Variants in HTRA3 observed in about 807,000 individuals in gnomAD.
HTRA3 encodes HtrA serine peptidase 3.
A neutral mutation model predicts 43.2 loss-of-function variants in HTRA3; 41 were observed. The observed-to-expected ratio is 0.95, with a 90% CI of 0.74 to 1.23. The LOEUF (loss-of-function observed/expected upper bound fraction) is 1.23. HTRA3 is among the 50% of genes most tolerant of loss of function. The probability of loss-of-function intolerance (pLI) is 0.00; values close to 1 mark genes in which losing one functional copy is unlikely to be tolerated. For synonymous variants in HTRA3, 295 were observed against 287.9 expected (o/e 1.02, Z -0.25); for missense variants, 628 against 647.1 (o/e 0.97, Z 0.32).
In HTRA3 at chr4:8,282,725, G is replaced by A. The variant is rs1024874666; in HGVS notation, c.485+189G>A. 2.8e-4 allele frequency among the ~76,000 whole-genome samples: 43 copies of A among 152,354 alleles called. 1 individual carries two copies. The highest frequency in any genetic ancestry group is 1.5e-5 in the Non-Finnish European group (1 of 68,036). Reference sequence around the variant, plus strand: ...CCTGGGGAAGGACATCCCCGCTGAAGTGACTCCGCACCTGCTGGAGCTGTA... The same window carrying A: ...CCTGGGGAAGGACATCCCCGCTGAAATGACTCCGCACCTGCTGGAGCTGTA... On this transcript the variant is annotated intron_variant, in intron 2 of 8. Coordinates refer to ENST00000307358, the MANE Select transcript of HTRA3 (RefSeq NM_053044.5).
chr4:8,305,591 G>A (rs1211009446), intron 8 of HTRA3, among the ~76,000 whole-genome samples: 2 of 152,170 alleles, frequency 1.3e-5, no homozygotes, highest in Admixed American at 1.3e-4. Flanking sequence ...CCACATAGAC[G>A]TCTTCGTAAC....
At chr4:8,291,243 A>T in intron 3 of HTRA3, 127 bp from the exon 4 acceptor site, 2 of 797,758 alleles carry the variant, frequency 2.5e-6, no homozygotes, top group Non-Finnish European at 4.2e-6. Flanking sequence ...GAGCCTTCAC[A>T]GTCCTGGTGG....
chr4:8,306,154 C>T lies in HTRA3; in HGVS notation c.*18C>T, dbSNP rs183206459. The T allele has an allele frequency of 1.5e-4, 233 of 1,552,278 alleles. 1 individual carries two copies. In the African/African-American group the frequency reaches 2.5e-3, roughly 16 times the overall value. ...TCATGTGAGGGGCGCATTCCTCCAG[C>T]GCCAAGCGTCAGAGCCTGCAGACAA... is the stretch of plus-strand genomic sequence containing the variant. On this transcript the variant is annotated 3_prime_UTR_variant, in exon 9 of 9. Transcript: ENST00000307358. The surrounding 1 kb of genome is among the most constrained non-coding windows in gnomAD (Gnocchi z 8.9).
chr4:8,274,190 T>C (rs1304542808), intron 1 of HTRA3, among the ~76,000 whole-genome samples: 2 of 152,244 alleles, frequency 1.3e-5, no homozygotes, highest in Admixed American at 6.5e-5. Flanking sequence ...TCTGGCCTCA[T>C]GGCCTCACCG....
At chr4:8,275,596 G>T (rs1712488087) in intron 1 of HTRA3, among the ~76,000 whole-genome samples, 1 of 152,176 alleles carries the variant, frequency 6.6e-6, no homozygotes, top group East Asian at 1.9e-4. Flanking sequence ...TGGAGAGGTG[G>T]GTACAAGGGG....
chr4:8,291,615 C>T (rs1324080219), intron 4 of HTRA3, 51 bp downstream of exon 4: 2 of 1,395,580 alleles, frequency 1.4e-6, no homozygotes, highest in Non-Finnish European at 1.9e-6. Flanking sequence ...TGCCCAAGAC[C>T]TCAACCTCGA....
chr4:8,305,269 C>T (rs1713795555), intron 8 of HTRA3, among the ~76,000 whole-genome samples: 1 of 152,254 alleles, frequency 6.6e-6, no homozygotes, highest in Non-Finnish European at 1.5e-5. Flanking sequence ...GTGATGAGCA[C>T]AGATGGCACA....
rs1713494888 is a variant in HTRA3 at position 8,297,469 on chromosome 4, C to T, written c.1051+3268C>T. 6.6e-6 allele frequency among the ~76,000 whole-genome samples: 1 copy of T among 152,128 alleles called. No homozygotes were observed. The highest frequency in any genetic ancestry group is 1.5e-5 in the Non-Finnish European group (1 of 68,008). ...GAGGTCCTGCCCTCCCGCTTTCCTT[C>T]TAGCAGGGAGACGGGCCACAAAAAC... On this transcript the variant is annotated intron_variant, in intron 6 of 8. Coordinates refer to ENST00000307358, the MANE Select transcript of HTRA3 (RefSeq NM_053044.5). This position sits in a 1 kb window ranked among gnomAD's most constrained non-coding sequence, Gnocchi z 5.8.
Position 8,295,694 on chromosome 4 carries a change from G to A in HTRA3, c.1051+1493G>A. The A allele has an allele frequency of 7.1e-7, 1 of 1,417,560 alleles. No individual in the cohort carries two copies. The highest frequency in any genetic ancestry group is 2.9e-5 in the East Asian group (1 of 34,940). The allele number at this position is 1,417,560 out of a possible 1,614,324, so 87.8% of individuals were successfully genotyped here. On this transcript the variant is annotated intron_variant, in intron 6 of 8. Coordinates refer to ENST00000307358, the MANE Select transcript of HTRA3 (RefSeq NM_053044.5). This position sits in a 1 kb window ranked among gnomAD's most constrained non-coding sequence, Gnocchi z 6.9. ...CACATTGCTTTGCTGTCTCCTCCCA[G>A]CCCCCTCACTGGCAGTTCATTGAGA...
At chr4:8,274,906 G>A (rs115802054) in intron 1 of HTRA3, among the ~76,000 whole-genome samples, 11 of 152,140 alleles carry the variant, frequency 7.2e-5, no homozygotes, top group Non-Finnish European at 1.0e-4. Context: ...GGCATCTCCC[G>A]GTTGTATTTA....
At position 8,292,337 on chromosome 4, in the gene HTRA3, GA is replaced by G; in HGVS notation, c.921del (p.Pro308HisfsTer3). 1 of 1,613,180 alleles carries G rather than the reference GA, an allele frequency of 6.2e-7. No homozygotes were observed. The highest frequency in any genetic ancestry group is 1.1e-5 in the South Asian group (1 of 90,934). ...CCCTTGCAGTACGGGAACTCCGGGG[GA>G]CCACTGGTGAACCTGGTAAGTGTCC... is the stretch of plus-strand genomic sequence containing the variant. ...DAIINYGNSGGPLVNLDGEVI... is the reference protein window; with the variant it reads ...DAIINYGNSGXPLVNLDGEVI... On this transcript the variant is annotated frameshift_variant, in exon 5 of 9. Coordinates refer to ENST00000307358, the MANE Select transcript of HTRA3 (RefSeq NM_053044.5). LOFTEE classifies it high-confidence loss of function.
Position 8,306,059 on chromosome 4 carries a change from G to T in HTRA3, c.1285G>T (p.Glu429Ter), listed in dbSNP as rs758229224. The part of the protein sequence containing the change: ...SSELQEAVLT[E>*]SPLLLEVRRG... ...TGAGCTGCAGGAGGCCGTGCTGACC[G>T]AGTCTCCTCTCCTACTGGAGGTGCG... is the stretch of plus-strand genomic sequence containing the variant. The change falls in exon 9 of 9, where the codon GAG becomes TAG. Residue 429 changes from glutamate (E) to a stop codon, truncating the protein, a stop_gained. Transcript: ENST00000307358. LOFTEE classifies it high-confidence loss of function. This position sits in a 1 kb window ranked among gnomAD's most constrained non-coding sequence, Gnocchi z 8.9. 4.5e-5 allele frequency: 72 copies of T among 1,612,488 alleles called. No individual in the cohort carries two copies. The highest frequency in any genetic ancestry group is 5.7e-5 in the Non-Finnish European group (67 of 1,179,276).
intron 2 of HTRA3, among the ~76,000 whole-genome samples, chr4:8,284,625 A>G (rs937061835): frequency 3.9e-5 from 6 of 152,178 alleles, no homozygotes; most frequent in Non-Finnish European, 7.4e-5. Context: ...CGCAGGCAAA[A>G]CAGGTGCAGT....
chr4:8,286,574 G>C lies in HTRA3; in HGVS notation c.499G>C (p.Gly167Arg). ...IELFLRHPLF[G>R]RNVPLSSGSG... The stretch of plus-strand genomic sequence containing the variant: ...CCCTGGCTGCAGACACCCGCTGTTT[G>C]GCCGCAACGTGCCCCTGTCCAGCGG... The change falls in exon 3 of 9, where the codon GGC becomes CGC. Residue 167 changes from glycine to arginine, a missense_variant. Coordinates refer to ENST00000307358, the MANE Select transcript of HTRA3 (RefSeq NM_053044.5). The surrounding 1 kb of genome is among the most constrained non-coding windows in gnomAD (Gnocchi z 4.9). 6.2e-7 allele frequency: 1 copy of C among 1,613,832 alleles called. No homozygotes were observed. Among genetic ancestry groups the C allele is most frequent in the Non-Finnish European group, 8.5e-7 (1 of 1,180,008 alleles).
intron 5 of HTRA3, 151 bp downstream of exon 5, chr4:8,292,504 G>C (rs1309985256): frequency 1.4e-6 from 1 of 700,764 alleles, no homozygotes; most frequent in Non-Finnish European, 2.4e-6. Context: ...GGCCTGGAAG[G>C]AGGAAAGACC....
At chr4:8,287,591 C>A (rs1241827879) in intron 3 of HTRA3, among the ~76,000 whole-genome samples, 1 of 152,060 alleles carries the variant, frequency 6.6e-6, no homozygotes, top group Non-Finnish European at 1.5e-5. Context: ...CATTTTAAAA[C>A]CATCAGATCT....
At chr4:8,294,616 C>T (rs1217762622) in intron 6 of HTRA3, among the ~76,000 whole-genome samples, 2 of 314 alleles carry the variant, frequency 6.4e-3, no homozygotes, top group Non-Finnish European at 6.1e-3. Context: ...ATCCATCCAT[C>T]CATCCATCCA....
In HTRA3 at chr4:8,296,352, A is replaced by G; in HGVS notation, c.1051+2151A>G. 3 of 985,434 alleles carry G rather than the reference A, an allele frequency of 3.0e-6. No individual in the cohort carries two copies. The highest frequency in any genetic ancestry group is 3.6e-6 in the Non-Finnish European group (3 of 829,946). The allele number at this position is 985,434 out of a possible 1,614,324, so 61.0% of individuals were successfully genotyped here. On this transcript the variant is annotated intron_variant, in intron 6 of 8. Coordinates refer to ENST00000307358, the MANE Select transcript of HTRA3 (RefSeq NM_053044.5). The surrounding 1 kb of genome is among the most constrained non-coding windows in gnomAD (Gnocchi z 5.3). Reference sequence around the variant, plus strand: ...TGTCCCCTCCCCAAGGACAGTGCAGACTAACTGAGGAGCCTGATAAACCTT... The same window carrying G: ...TGTCCCCTCCCCAAGGACAGTGCAGGCTAACTGAGGAGCCTGATAAACCTT...
At position 8,286,389 on chromosome 4, in the gene HTRA3, A is replaced by T. The variant is rs1228637234; in HGVS notation, c.486-172A>T. Among the ~76,000 whole-genome samples, 1 of 152,024 alleles carries T rather than the reference A, an allele frequency of 6.6e-6. No individual in the cohort carries two copies. Among genetic ancestry groups the T allele is most frequent in the Non-Finnish European group, 1.5e-5 (1 of 67,996 alleles). On this transcript the variant is annotated intron_variant, in intron 2 of 8. Coordinates refer to ENST00000307358, the MANE Select transcript of HTRA3 (RefSeq NM_053044.5). This position sits in a 1 kb window ranked among gnomAD's most constrained non-coding sequence, Gnocchi z 4.9. Reference sequence around the variant, plus strand: ...CTGTGAATGGGTGCAGGCGCCGGTGACTTGGCCAGGTCACAGGGCCAGGAT... The same window carrying T: ...CTGTGAATGGGTGCAGGCGCCGGTGTCTTGGCCAGGTCACAGGGCCAGGAT...
Sources: allele counts gnomAD v4.1 joint callset (sites outside exome capture counted in the v4.1 genomes callset), GRCh38; gene constraint gnomAD v4.1.1; non-coding constraint Gnocchi (gnomAD v3.1); transcripts MANE v1.5; gene names NCBI Gene and HGNC (gene_info 2026-07-23, HGNC 2026-07-21).